NCKAP5: variants seen among roughly 807,000 people sequenced by gnomAD.
NCKAP5 encodes NCK associated protein 5.
Under a neutral mutation model 167.0 loss-of-function variants are expected in NCKAP5, and 92 were observed. That is an observed-to-expected ratio of 0.55 (90% CI 0.47 to 0.66). The LOEUF (loss-of-function observed/expected upper bound fraction) is 0.66. NCKAP5 is among the 30% of genes least tolerant of loss of function. NCKAP5 has a pLI of 0.00. For missense variants in NCKAP5, 2,378 were observed against 2,315.0 expected, an observed-to-expected ratio of 1.03 and a Z score of -0.56; for synonymous variants, 891 against 877.4, an observed-to-expected ratio of 1.02 and a Z score of -0.27.
chr2:132,742,983 G>A (rs1203368950), intron 16 of NCKAP5, among the ~76,000 whole-genome samples: 2 of 151,854 alleles, frequency 1.3e-5, no homozygotes, highest in African/African-American at 4.8e-5. Context: ...AAATCCAACA[G>A]ACCAGGGGAT....
At chr2:132,876,614 T>G (rs534101464) in intron 9 of NCKAP5, among the ~76,000 whole-genome samples, 1 of 152,350 alleles carries the variant, frequency 6.6e-6, no homozygotes, top group Non-Finnish European at 1.5e-5. Flanking sequence ...CCTCATGTAA[T>G]TAGTTATAAA....
chr2:133,438,933 G>C (rs1047444520), intron 3 of NCKAP5, among the ~76,000 whole-genome samples: 16 of 152,262 alleles, frequency 1.1e-4, no homozygotes, highest in Admixed American at 1.0e-3. Flanking sequence ...AGAAGTTGGT[G>C]GATCAACACA....
At chr2:133,548,119 A>C (rs1686915328) in intron 2 of NCKAP5, among the ~76,000 whole-genome samples, 1 of 149,960 alleles carries the variant, frequency 6.7e-6, no homozygotes, top group Non-Finnish European at 1.5e-5. Flanking sequence ...ACTGGAAGAA[A>C]GGGTATCAGC....
intron 4 of NCKAP5, among the ~76,000 whole-genome samples, chr2:133,224,457 C>T (rs2086796294): frequency 6.6e-6 from 1 of 152,206 alleles, no homozygotes; most frequent in Admixed American, 6.5e-5. Flanking sequence ...TAAAACCACA[C>T]AAGCTACCTG....
At chr2:133,505,221 G>T (rs1682896931) in intron 3 of NCKAP5, among the ~76,000 whole-genome samples, 1 of 152,140 alleles carries the variant, frequency 6.6e-6, no homozygotes, top group South Asian at 2.1e-4. Flanking sequence ...ATATAAGAGG[G>T]TCTGGTGTAC....
intron 11 of NCKAP5, among the ~76,000 whole-genome samples, chr2:132,815,717 A>G (rs1686215569): frequency 6.6e-6 from 1 of 152,162 alleles, no homozygotes; most frequent in Non-Finnish European, 1.5e-5. Context: ...GTCACAGAAG[A>G]CGTCACCAAG....
intron 8 of NCKAP5, among the ~76,000 whole-genome samples, chr2:132,948,057 A>G (rs1333774261): frequency 6.6e-6 from 1 of 151,614 alleles, no homozygotes; most frequent in Non-Finnish European, 1.5e-5. Flanking sequence ...TGCTCAAGGG[A>G]ATACAGGGAA....
At position 133,202,116 on chromosome 2, in the gene NCKAP5, T is replaced by C. The variant is rs540403379; in HGVS notation, c.207+11600A>G. Among the ~76,000 whole-genome samples, 990 of 152,070 alleles carry C rather than the reference T, an allele frequency of 6.5e-3. 6 individuals are homozygous for C. Among genetic ancestry groups the C allele is most frequent in the Non-Finnish European group, 0.011 (744 of 67,904 alleles). ...CAAAAGAACAAAGCTGGAGGCATCA[T>C]GCTACCTGACTTCAAACTATACTAC... On this transcript the variant is annotated intron_variant, in intron 5 of 19. Coordinates refer to ENST00000409261, the MANE Select transcript of NCKAP5 (RefSeq NM_207363.3).
chr2:133,580,410 C>A, the NCKAP5 span, among the ~76,000 whole-genome samples: 20 of 152,096 alleles, frequency 1.3e-4, no homozygotes, highest in Non-Finnish European at 1.9e-4. Flanking sequence ...AAATTGAACC[C>A]CAGGCTAAGG....
intron 16 of NCKAP5, among the ~76,000 whole-genome samples, chr2:132,746,029 T>C (rs1072122): frequency 0.18 from 28,079 of 151,956 alleles, 3,442 homozygotes; most frequent in East Asian, 0.45. Context: ...TCAATGACAT[T>C]TTAATCAAAA....
chr2:133,609,061 A>G, the NCKAP5 span, among the ~76,000 whole-genome samples: 1 of 152,206 alleles, frequency 6.6e-6, no homozygotes, highest in Non-Finnish European at 1.5e-5. Flanking sequence ...TCCCTTAAGG[A>G]TACTTTCCTT....
chr2:133,420,718 A>G (rs1689420403), intron 3 of NCKAP5, among the ~76,000 whole-genome samples: 1 of 152,106 alleles, frequency 6.6e-6, no homozygotes, highest in Non-Finnish European at 1.5e-5. Context: ...GTGTTTTTTT[A>G]TATATTTTAT....
chr2:132,989,941 T>C (rs796101349), intron 7 of NCKAP5, among the ~76,000 whole-genome samples: 67 of 152,224 alleles, frequency 4.4e-4, no homozygotes, highest in African/African-American at 1.6e-3. Flanking sequence ...AAGATCCACG[T>C]TGTGTAAGTG....
chr2:132,945,507 C>T (rs1697649516), intron 8 of NCKAP5, among the ~76,000 whole-genome samples: 1 of 151,780 alleles, frequency 6.6e-6, no homozygotes, highest in Non-Finnish European at 1.5e-5. Flanking sequence ...GAGCCCACAG[C>T]ACGAATCGAT....
chr2:133,436,863 G>A (rs1307502891), intron 3 of NCKAP5, among the ~76,000 whole-genome samples: 1 of 152,084 alleles, frequency 6.6e-6, no homozygotes, highest in East Asian at 1.9e-4. Context: ...AGCATGTATG[G>A]TTTATACCTG....
In NCKAP5 at chr2:132,673,071, A is replaced by C; in HGVS notation, c.*218T>G. On this transcript the variant is annotated 3_prime_UTR_variant, in exon 20 of 20. Transcript: ENST00000409261. ...CTGGCACAGGAAGAGAAGCTATCAT[A>C]TAAAGAATCACTCAAAGATTCCAAG... 8.6e-7 allele frequency: 1 copy of C among 1,168,470 alleles called. No homozygotes were observed. Among genetic ancestry groups the C allele is most frequent in the Non-Finnish European group, 1.1e-6 (1 of 948,010 alleles). The allele number at this position is 1,168,470 out of a possible 1,614,324, so 72.4% of individuals were successfully genotyped here. A position where few individuals can be genotyped will look rare whatever the true frequency, so the allele number is the denominator to read the frequency against.
At chr2:133,605,997 T>G in the NCKAP5 span, among the ~76,000 whole-genome samples, 1 of 152,174 alleles carries the variant, frequency 6.6e-6, no homozygotes, top group East Asian at 1.9e-4. Context: ...TCTCTTTGCA[T>G]ATGCCACAAT....
At chr2:133,538,435 T>C (rs928304160) in intron 2 of NCKAP5, among the ~76,000 whole-genome samples, 6 of 152,234 alleles carry the variant, frequency 3.9e-5, no homozygotes, top group Non-Finnish European at 5.9e-5. Context: ...AGCCAAGCCA[T>C]GGAAGAAATG....
chr2:133,541,180 T>TA (rs957675343), intron 2 of NCKAP5, among the ~76,000 whole-genome samples: 108 of 151,492 alleles, frequency 7.1e-4, no homozygotes, highest in Middle Eastern at 3.5e-3. Flanking sequence ...GGGGTAGAAA[T>TA]AAAAAACATA....
Sources: gnomAD v4.1 joint callset for allele counts (sites outside exome capture counted in the v4.1 genomes callset) on GRCh38, gnomAD v4.1.1 for gene constraint, MANE v1.5 for transcripts, NCBI Gene and HGNC (gene_info 2026-07-23, HGNC 2026-07-21) for gene names.